Variants in GRM8 observed in about 807,000 individuals in gnomAD.
GRM8 encodes the protein glutamate metabotropic receptor 8.
A neutral mutation model predicts 87.2 loss-of-function variants in GRM8; 47 were observed. The observed-to-expected ratio is 0.54, with a 90% confidence interval of 0.43 to 0.69. GRM8 has a LOEUF of 0.69. Ranked by LOEUF, GRM8 falls within the 30% of genes least tolerant of loss-of-function variation. GRM8 has a pLI of 0.00. For missense variants in GRM8, 1,019 were observed against 1,139.2 expected, an observed-to-expected ratio of 0.89 and a Z score of 1.52; for synonymous variants, 396 against 404.5, an observed-to-expected ratio of 0.98 and a Z score of 0.25.
chr7:126,543,733 T>C (rs1264210428), intron 8 of GRM8, among the ~76,000 whole-genome samples: 3 of 151,984 alleles, frequency 2.0e-5, no homozygotes, highest in African/African-American at 7.3e-5. Flanking sequence ...GAGAGAGCTC[T>C]CTCCCACAGA....
At chr7:127,039,292 T>A (rs1818130462) in intron 3 of GRM8, among the ~76,000 whole-genome samples, 1 of 152,180 alleles carries the variant, frequency 6.6e-6, no homozygotes, top group Non-Finnish European at 1.5e-5. Context: ...GGACTGGTGT[T>A]CTTATAAGAA....
intron 3 of GRM8, among the ~76,000 whole-genome samples, chr7:126,910,015 A>T (rs563539928): frequency 1.5e-4 from 22 of 151,466 alleles, no homozygotes; most frequent in Admixed American, 7.9e-4. Flanking sequence ...TTTTTTTTTT[A>T]AAACCCTGCC....
intron 3 of GRM8, among the ~76,000 whole-genome samples, chr7:127,079,320 C>T (rs1260861420): frequency 2.0e-5 from 3 of 152,042 alleles, no homozygotes; most frequent in African/African-American, 7.2e-5. Context: ...TGGGGTTTCA[C>T]CATATGGGTC....
At chr7:127,183,368 T>C (rs887250491) in intron 2 of GRM8, among the ~76,000 whole-genome samples, 2 of 151,326 alleles carry the variant, frequency 1.3e-5, no homozygotes, top group Non-Finnish European at 3.0e-5. Flanking sequence ...ACAACAGAAC[T>C]AAACTATAGA....
At chr7:126,518,055 T>A (rs989903894) in intron 9 of GRM8, among the ~76,000 whole-genome samples, 2 of 152,072 alleles carry the variant, frequency 1.3e-5, no homozygotes, top group African/African-American at 2.4e-5. Context: ...ACCAACACTT[T>A]ACAATTTGTC....
intron 3 of GRM8, among the ~76,000 whole-genome samples, chr7:127,068,120 G>C (rs1246544411): frequency 6.6e-6 from 1 of 151,980 alleles, no homozygotes; most frequent in African/African-American, 2.4e-5. Context: ...CCTCGTATTA[G>C]TCAAGGATAA....
At chr7:127,074,137 T>C (rs1822019735) in intron 3 of GRM8, among the ~76,000 whole-genome samples, 1 of 152,228 alleles carries the variant, frequency 6.6e-6, no homozygotes, top group Non-Finnish European at 1.5e-5. Flanking sequence ...GTATCCTGAA[T>C]TAATCTGATA....
intron 6 of GRM8, among the ~76,000 whole-genome samples, chr7:126,806,585 T>G (rs1792753608): frequency 6.6e-6 from 1 of 152,214 alleles, no homozygotes; most frequent in Non-Finnish European, 1.5e-5. Context: ...TTACAAACCT[T>G]TGGCTAGACA....
intron 3 of GRM8, among the ~76,000 whole-genome samples, chr7:127,047,673 C>T (rs1819069799): frequency 6.6e-6 from 1 of 151,928 alleles, no homozygotes. Context: ...CTACAAAAAA[C>T]AGAAACACTT....
intron 3 of GRM8, among the ~76,000 whole-genome samples, chr7:126,961,648 G>A (rs138363942): frequency 3.3e-5 from 5 of 152,254 alleles, no homozygotes; most frequent in African/African-American, 7.2e-5. Context: ...TCCCAAGAAC[G>A]GATGCTTTGT....
At chr7:126,894,843 C>G (rs909349459) in intron 6 of GRM8, among the ~76,000 whole-genome samples, 2 of 152,010 alleles carry the variant, frequency 1.3e-5, no homozygotes, top group African/African-American at 4.8e-5. Context: ...TTTAGACAAC[C>G]AACTTGACCA....
intron 2 of GRM8, among the ~76,000 whole-genome samples, chr7:127,218,768 T>C (rs1796731515): frequency 6.6e-6 from 1 of 152,182 alleles, no homozygotes; most frequent in South Asian, 2.1e-4. Context: ...AGTGGGTCAG[T>C]AGTGTTGTCT....
intron 2 of GRM8, among the ~76,000 whole-genome samples, chr7:127,133,410 T>A (rs951591447): frequency 6.7e-6 from 1 of 149,128 alleles, no homozygotes; most frequent in Non-Finnish European, 1.5e-5. Context: ...ACAGTGAGAG[T>A]CTGTCTCAAA....
At chr7:126,516,227 C>T (rs7458757) in intron 9 of GRM8, among the ~76,000 whole-genome samples, 125,563 of 151,738 alleles carry the variant, frequency 0.83, 52,370 homozygotes, top group African/African-American at 0.95. Context: ...TTTTAGGATG[C>T]CACTTTGTAT....
rs200994358 is a variant in GRM8, at chr7:126,769,892, C to G, written c.1330G>C (p.Gly444Arg). The G allele has an allele frequency of 4.3e-6, 7 of 1,611,976 alleles. No homozygotes were observed. The East Asian group carries it at 1.6e-4, about 36-fold the overall frequency. ...MSTIDGKELL[G>R]YIRAVNFNGS... The stretch of plus-strand genomic sequence containing the variant: ...TTAAAATTTACAGCCCGAATATAAC[C>G]AAGTAGCTCTTTCCCATCAATGGTA... Residue 444 changes from glycine to arginine, a missense_variant, in exon 7 of 11, where the codon GGT becomes CGT. Transcript: ENST00000339582.
intron 2 of GRM8, among the ~76,000 whole-genome samples, chr7:127,239,428 T>A (rs887008282): frequency 6.6e-6 from 1 of 152,220 alleles, no homozygotes; most frequent in South Asian, 2.1e-4. Flanking sequence ...TATCTGGGAA[T>A]AACTAGCAAT....
chr7:127,092,998 A>G (rs1824302652), intron 3 of GRM8, among the ~76,000 whole-genome samples: 1 of 152,200 alleles, frequency 6.6e-6, no homozygotes, highest in African/African-American at 2.4e-5. Flanking sequence ...ACATGCACAC[A>G]TGTTCTTTCT....
At position 126,533,027 on chromosome 7, in the gene GRM8, A is replaced by G. The variant is rs146436935; in HGVS notation, c.2355T>C (p.Phe785=). The change falls in exon 9 of 11, where the codon TTT becomes TTC. Residue 785 remains phenylalanine, a synonymous_variant. Transcript: ENST00000339582. ...AAATGATGCAGGTGGTATACATGGT[A>G]AATCCAATAGGTTTGGCTTCATTGA... The part of the protein sequence containing the change: ...ETFNEAKPIG[F]TMYTTCIIWL... 93 of 1,613,652 alleles carry G rather than the reference A, an allele frequency of 5.8e-5. No homozygotes were observed. The African/African-American group carries it at 1.1e-3, about 20-fold the overall frequency.
chr7:126,563,430 C>CT (rs1447239045), intron 8 of GRM8, among the ~76,000 whole-genome samples: 1 of 152,050 alleles, frequency 6.6e-6, no homozygotes, highest in African/African-American at 2.4e-5. Context: ...AATCCTAAAG[C>CT]TGAAAGGTCT....
Sources: allele counts gnomAD v4.1 joint callset (sites outside exome capture counted in the v4.1 genomes callset), GRCh38; gene constraint gnomAD v4.1.1; transcripts MANE v1.5; gene names NCBI Gene and HGNC (gene_info 2026-07-23, HGNC 2026-07-21).